The following PKP1 variants were observed in gnomAD, a reference collection of about 807,000 sequenced individuals.
The protein encoded by PKP1 is plakophilin 1, also known as plakophilin-1.
Under a neutral mutation model 76.4 loss-of-function variants are expected in PKP1, and 27 were observed. The ratio of observed to expected loss-of-function variants is 0.35; its 90% CI spans 0.26 to 0.49. The LOEUF is 0.49. Among genes scored for constraint, PKP1 ranks in the 20% least tolerant of loss-of-function variants. PKP1 has a pLI of 0.99. For missense variants in PKP1, 964 were observed against 955.2 expected (o/e 1.01, Z -0.12); for synonymous variants, 404 against 384.2 (o/e 1.05, Z -0.60).
intron 1 of PKP1, among the ~76,000 whole-genome samples, chr1:201,289,717 C>T (rs997561816): frequency 6.9e-6 from 1 of 144,548 alleles, no homozygotes; most frequent in African/African-American, 2.9e-5. Flanking sequence ...CACACACACA[C>T]ACACACACAG....
chr1:201,283,994 G>A, intron 1 of PKP1, 90 bp downstream of exon 1: 1 of 1,204,120 alleles, frequency 8.3e-7, no homozygotes, highest in Non-Finnish European at 1.2e-6. Flanking sequence ...GCATCCCCGG[G>A]GATGAGGGGA....
At chr1:201,297,452 C>T (rs139633379) in intron 2 of PKP1, among the ~76,000 whole-genome samples, 1 of 152,162 alleles carries the variant, frequency 6.6e-6, no homozygotes, top group African/African-American at 2.4e-5. Context: ...CAGCTATGCT[C>T]TTCTGGTTCT....
chr1:201,313,292 T>G lies in PKP1; in HGVS notation c.433T>G (p.Cys145Gly), dbSNP rs749331370. The G allele has an allele frequency of 7.5e-6, 12 of 1,602,554 alleles. No homozygotes were observed. The highest frequency in any genetic ancestry group is 1.0e-5 in the Non-Finnish European group (12 of 1,175,062). Residue 145 changes from cysteine (C) to glycine (G), a missense_variant, in exon 3 of 14, where the codon TGC (cysteine) becomes GGC (glycine). Cys to Gly is a radical substitution (Grantham distance 159, BLOSUM62 -3). Coordinates refer to ENST00000367324, the MANE Select transcript of PKP1 (RefSeq NM_001005337.3). ...CACCACCGGCGCAGGCAGCGACATC[T>G]GCTTCATGCAGAAAATCAAGGCGAG... ...CNTTGAGSDI[C>G]FMQKIKASRS...
chr1:201,291,630 C>T (rs879560545), intron 1 of PKP1, among the ~76,000 whole-genome samples: 7 of 152,198 alleles, frequency 4.6e-5, no homozygotes, highest in Admixed American at 1.3e-4. Flanking sequence ...GAGGCCTCCC[C>T]GGTGCTCCAT....
chr1:201,328,696 G>C lies in PKP1; in HGVS notation c.2107-66G>C. 4 of 1,429,864 alleles carry C rather than the reference G, an allele frequency of 2.8e-6. No homozygotes were observed. In the East Asian group the frequency reaches 9.1e-5, roughly 32 times the overall value. The allele number at this position is 1,429,864 out of a possible 1,614,324, so 88.6% of individuals were successfully genotyped here. On this transcript the variant is annotated intron_variant, in intron 12 of 13. Transcript: ENST00000367324. ...GGTTGCTCTGGGAGGGCAGTGGACAGTGTCTGACCCCACAGCAAGCCCCAC... is the reference window on the plus strand; with the variant it reads ...GGTTGCTCTGGGAGGGCAGTGGACACTGTCTGACCCCACAGCAAGCCCCAC...
At chr1:201,310,997 C>G (rs990915479) in intron 2 of PKP1, among the ~76,000 whole-genome samples, 1 of 152,228 alleles carries the variant, frequency 6.6e-6, no homozygotes, top group Non-Finnish European at 1.5e-5. Context: ...TCAGCATGAT[C>G]ACATGTTTGC....
chr1:201,283,875 A>T lies in PKP1; in HGVS notation c.173A>T (p.Gln58Leu). Residue 58 changes from glutamine to leucine, a missense_variant, in exon 1 of 14, where the codon CAG (glutamine) becomes CTG (leucine). Transcript: ENST00000367324. ...AAGCGGCAGAAGTCCAAGTCTTCCC[A>T]GTCGTCCACCCTGAGCCACTCCAAT... ...TVKRQKSKSS[Q>L]SSTLSHSNRG... 6.2e-7 allele frequency: 1 copy of T among 1,614,114 alleles called. No homozygotes were observed. Among genetic ancestry groups the T allele is most frequent in the Non-Finnish European group, 8.5e-7 (1 of 1,179,982 alleles).
chr1:201,316,152 A>ACG (rs1571556454), intron 3 of PKP1: 17 of 122,316 alleles, frequency 1.4e-4, no homozygotes, highest in East Asian at 1.1e-3. Context: ...GGACGGACGG[A>ACG]TGGATGGATG....
At chr1:201,285,220 C>CCACACACA (rs140683611) in intron 1 of PKP1, among the ~76,000 whole-genome samples, 23 of 136,846 alleles carry the variant, frequency 1.7e-4, no homozygotes, top group African/African-American at 3.8e-4. Context: ...GGCCCTTCCA[C>CCACACACA]CACACACACA....
chr1:201,285,964 G>A (rs1301489029), intron 1 of PKP1, among the ~76,000 whole-genome samples: 2 of 152,248 alleles, frequency 1.3e-5, no homozygotes, highest in African/African-American at 2.4e-5. Flanking sequence ...CTCTGCGGAG[G>A]TTCCTAAAGG....
intron 1 of PKP1, among the ~76,000 whole-genome samples, chr1:201,288,220 G>T (rs1024693026): frequency 2.0e-5 from 3 of 152,160 alleles, no homozygotes; most frequent in Non-Finnish European, 4.4e-5. Context: ...CTTTGCAATG[G>T]GAACACTCTT....
intron 1 of PKP1, among the ~76,000 whole-genome samples, chr1:201,289,688 GCA>G (rs3057891): frequency 0.093 from 13,470 of 144,576 alleles, 592 homozygotes; most frequent in South Asian, 0.16. Context: ...TGGGAGGAGT[GCA>G]CACACACACA....
chr1:201,293,926 C>T lies in PKP1; in HGVS notation c.203-16C>T, dbSNP rs1298226640. 2.5e-6 allele frequency: 4 copies of T among 1,570,874 alleles called. No individual in the cohort carries two copies. In the South Asian group the frequency reaches 4.5e-5, roughly 18 times the overall value. ...TCATGGCCATCCCTGTCCTAATCCC[C>T]TCCTTTCTCCTCTAGGTTCCATGTA... On this transcript the variant is annotated splice_polypyrimidine_tract_variant and intron_variant, in intron 1 of 13. Coordinates refer to ENST00000367324, the MANE Select transcript of PKP1 (RefSeq NM_001005337.3).
intron 4 of PKP1, 97 bp from the exon 5 acceptor site, chr1:201,317,474 AT>A: frequency 3.2e-6 from 3 of 942,702 alleles, no homozygotes; most frequent in Non-Finnish European, 4.9e-6. Context: ...GAACTGATAG[AT>A]TTTTTGGTCT....
At chr1:201,299,686 C>T (rs1656169219) in intron 2 of PKP1, among the ~76,000 whole-genome samples, 2 of 152,194 alleles carry the variant, frequency 1.3e-5, no homozygotes, top group African/African-American at 2.4e-5. Context: ...CTGAGCACTC[C>T]AGGCACCAGG....
intron 2 of PKP1, among the ~76,000 whole-genome samples, chr1:201,301,327 C>G (rs1351915192): frequency 6.6e-6 from 1 of 152,186 alleles, no homozygotes; most frequent in Admixed American, 6.5e-5. Context: ...AGCAGCGGAT[C>G]CTTCTCAGGA....
chr1:201,316,706 T>A lies in PKP1; in HGVS notation c.846+9T>A. The stretch of plus-strand genomic sequence containing the variant: ...AATCTGCCAAGCAACAGGTAGCTGG[T>A]TGCATACCTTCCTCCTTGGTGGGCC... On this transcript the variant is annotated intron_variant, in intron 4 of 13. Transcript: ENST00000367324. 6.2e-7 allele frequency: 1 copy of A among 1,613,492 alleles called. No individual in the cohort carries two copies. Among genetic ancestry groups the A allele is most frequent in the East Asian group, 2.2e-5 (1 of 44,880 alleles).
intron 7 of PKP1, 130 bp from the exon 8 acceptor site, chr1:201,321,848 T>A: frequency 1.0e-6 from 1 of 975,438 alleles, no homozygotes; most frequent in Non-Finnish European, 1.6e-6. Flanking sequence ...GATAGTGTGG[T>A]GGTGCCTGCG....
Position 201,318,486 on chromosome 1 carries a change from A to G in PKP1, c.1055-132A>G. ...ATGACACAGACAGACAATAGGTTCTACAGACCAGGGCTACCTGGAAAGCGA... is the reference window on the plus strand; with the variant it reads ...ATGACACAGACAGACAATAGGTTCTGCAGACCAGGGCTACCTGGAAAGCGA... On this transcript the variant is annotated intron_variant, in intron 5 of 13. Coordinates refer to ENST00000367324, the MANE Select transcript of PKP1 (RefSeq NM_001005337.3). 1.1e-5 allele frequency: 8 copies of G among 755,314 alleles called. No homozygotes were observed. In the South Asian group the frequency reaches 1.1e-4, roughly 10 times the overall value. 46.8% of individuals were successfully genotyped at this position (755,314 alleles called of 1,614,324 possible).
Sources: gnomAD v4.1 joint callset for allele counts (sites outside exome capture counted in the v4.1 genomes callset) on GRCh38, gnomAD v4.1.1 for gene constraint, MANE v1.5 for transcripts, NCBI Gene and HGNC (gene_info 2026-07-23, HGNC 2026-07-21) for gene names.